Variants in COLQ observed in about 807,000 individuals in gnomAD.
COLQ encodes collagen like tail subunit of asymmetric acetylcholinesterase.
COLQ carries 48 observed loss-of-function variants against 69.0 expected under a neutral mutation model. The ratio of observed to expected loss-of-function variants is 0.70; its 90% confidence interval spans 0.55 to 0.88. The LOEUF (loss-of-function observed/expected upper bound fraction) is 0.88, where lower values mean the gene tolerates loss of function less well. Among genes scored for constraint, COLQ ranks in the 40% least tolerant of loss-of-function variants. COLQ has a pLI of 0.00. For synonymous variants in COLQ, 217 were observed against 211.2 expected (o/e 1.03, Z -0.24); for missense variants, 618 against 594.6 (o/e 1.04, Z -0.41).
At chr3:15,479,870 G>C (rs982019717) in intron 3 of COLQ, among the ~76,000 whole-genome samples, 4 of 152,172 alleles carry the variant, frequency 2.6e-5, no homozygotes, top group Non-Finnish European at 4.4e-5. Context: ...GTGGGTACTA[G>C]GTGCCAAATA....
At position 15,478,992 on chromosome 3, in the gene COLQ, GC is replaced by G. The variant is rs759874172; in HGVS notation, c.377del (p.Gly126AlafsTer38). Reference sequence around the variant, plus strand: ...CAGACCATACCTTCCTTCCTGGTCGGCCAAGCTCCCCCTATGGATGGAGAAG... The same window carrying G: ...CAGACCATACCTTCCTTCCTGGTCGGCAAGCTCCCCCTATGGATGGAGAAG... The part of the protein sequence containing the change: ...TGPKGEKGEL[G>X]RPGRKGRPGP... On this transcript the variant is annotated frameshift_variant, in exon 5 of 17. Transcript: ENST00000383788. LOFTEE classifies it high-confidence loss of function. 3.1e-6 allele frequency: 5 copies of G among 1,614,074 alleles called. No homozygotes were observed. Among genetic ancestry groups the G allele is most frequent in the Non-Finnish European group, 4.2e-6 (5 of 1,180,036 alleles).
chr3:15,488,897 T>C (rs2062619942), intron 2 of COLQ, among the ~76,000 whole-genome samples: 1 of 152,216 alleles, frequency 6.6e-6, no homozygotes. Context: ...AAGTGCCAGA[T>C]AGCTACATAT....
At chr3:15,488,997 T>C (rs966109183) in intron 2 of COLQ, among the ~76,000 whole-genome samples, 1 of 152,146 alleles carries the variant, frequency 6.6e-6, no homozygotes, top group Non-Finnish European at 1.5e-5. Flanking sequence ...CTGGCTGTTG[T>C]CTTCTAGGCC....
chr3:15,454,830 A>C (rs1163637411), intron 15 of COLQ, among the ~76,000 whole-genome samples: 2 of 151,108 alleles, frequency 1.3e-5, no homozygotes, highest in Non-Finnish European at 3.0e-5. Context: ...TAATTTTTTT[A>C]ATTTTTATTT....
chr3:15,466,232 A>T (rs2062197223), intron 12 of COLQ, 109 bp downstream of exon 12: 1 of 746,278 alleles, frequency 1.3e-6, no homozygotes, highest in African/African-American at 1.7e-5. Flanking sequence ...TGTCTCTGGT[A>T]GTTTCTAACT....
At chr3:15,469,826 C>T (rs1396624308) in intron 11 of COLQ, among the ~76,000 whole-genome samples, 2 of 152,154 alleles carry the variant, frequency 1.3e-5, no homozygotes, top group Non-Finnish European at 2.9e-5. Flanking sequence ...ATCACCGGCC[C>T]CACCCCCAGG....
chr3:15,461,843 G>A (rs1237118615), intron 12 of COLQ, among the ~76,000 whole-genome samples: 1 of 152,014 alleles, frequency 6.6e-6, no homozygotes, highest in African/African-American at 2.4e-5. Context: ...GGGAAACAGG[G>A]TGCAAAACCT....
chr3:15,473,255 C>A lies in COLQ; in HGVS notation c.636+745G>T, dbSNP rs2062320928. Among the ~76,000 whole-genome samples the A allele has an allele frequency of 6.6e-6, 1 of 152,056 alleles. No homozygotes were observed. Among genetic ancestry groups the A allele is most frequent in the South Asian group, 2.1e-4 (1 of 4,818 alleles). On this transcript the variant is annotated intron_variant, in intron 10 of 16. Transcript: ENST00000383788. This position sits in a 1 kb window ranked among gnomAD's most constrained non-coding sequence, Gnocchi z 4.0. ...GCAGCTTTGACTCCTGGGCTCAGGCCACCCTCCCGCCTCACCTTCCTAAGT... is the reference window on the plus strand; with the variant it reads ...GCAGCTTTGACTCCTGGGCTCAGGCAACCCTCCCGCCTCACCTTCCTAAGT...
chr3:15,452,516 C>T (rs2125079211), intron 16 of COLQ, among the ~76,000 whole-genome samples: 1 of 152,312 alleles, frequency 6.6e-6, no homozygotes. Context: ...CAGGCACAGT[C>T]ACAGGCGTCC....
At chr3:15,461,935 C>T (rs2062121851) in intron 12 of COLQ, among the ~76,000 whole-genome samples, 1 of 151,638 alleles carries the variant, frequency 6.6e-6, no homozygotes, top group Non-Finnish European at 1.5e-5. Flanking sequence ...GTGTCAGGAA[C>T]CAATTTGGGG....
In COLQ at chr3:15,451,587, C is replaced by CA; in HGVS notation, c.*56dup. 1 of 1,519,934 alleles carries CA rather than the reference C, an allele frequency of 6.6e-7. No individual in the cohort carries two copies. The allele number at this position is 1,519,934 out of a possible 1,614,324, so 94.2% of individuals were successfully genotyped here. On this transcript the variant is annotated 3_prime_UTR_variant, in exon 17 of 17. Coordinates refer to ENST00000383788, the MANE Select transcript of COLQ (RefSeq NM_005677.4). The stretch of plus-strand genomic sequence containing the variant: ...GGCCAGGACATGGCCAGTTTGATGA[C>CA]AGTGGAGAAGCTGCTGCCAGTTCTG...
chr3:15,487,326 T>C (rs1160307000), intron 3 of COLQ, among the ~76,000 whole-genome samples: 5 of 152,178 alleles, frequency 3.3e-5, no homozygotes, highest in Non-Finnish European at 2.9e-5. Context: ...GCCCTGTGGC[T>C]AAAGCAAGCT....
chr3:15,464,760 GCAGT>G lies in COLQ; in HGVS notation c.814+1577_814+1580del, dbSNP rs2062171471. On this transcript the variant is annotated intron_variant, in intron 12 of 16. Coordinates refer to ENST00000383788, the MANE Select transcript of COLQ (RefSeq NM_005677.4). ...TGTATAACTGAAGACAGAAAATGTT[GCAGT>G]CAACAAATGATCTTCTTGATACTGT... Among the ~76,000 whole-genome samples, 6 of 152,290 alleles carry G rather than the reference GCAGT, an allele frequency of 3.9e-5. No homozygotes were observed. The South Asian group carries it at 1.2e-3, about 32-fold the overall frequency.
chr3:15,463,073 C>T (rs917087773), intron 12 of COLQ, among the ~76,000 whole-genome samples: 18 of 152,040 alleles, frequency 1.2e-4, no homozygotes, highest in African/African-American at 3.9e-4. Flanking sequence ...TGCAATACAC[C>T]GAAGACAGAC....
intron 5 of COLQ, 78 bp downstream of exon 5, chr3:15,478,899 C>A: frequency 6.4e-7 from 1 of 1,556,868 alleles, no homozygotes; most frequent in Non-Finnish European, 8.9e-7. Context: ...CATTGCTGTT[C>A]CCCCCTCCCT....
At chr3:15,491,133 T>C (rs943334396) in intron 1 of COLQ, among the ~76,000 whole-genome samples, 10 of 152,180 alleles carry the variant, frequency 6.6e-5, no homozygotes, top group African/African-American at 2.4e-4. Context: ...TGAATGGTTA[T>C]AGTTTTATTT....
intron 5 of COLQ, among the ~76,000 whole-genome samples, chr3:15,478,104 C>T (rs113442323): frequency 1.2e-3 from 184 of 152,356 alleles, no homozygotes; most frequent in Non-Finnish European, 1.4e-3. Flanking sequence ...CTCCCACATC[C>T]ATGGCGACAT....
chr3:15,462,113 C>G (rs896024649), intron 12 of COLQ, among the ~76,000 whole-genome samples: 1 of 152,118 alleles, frequency 6.6e-6, no homozygotes, highest in Non-Finnish European at 1.5e-5. Flanking sequence ...ACTGTAACCT[C>G]CGCCTCCCGG....
chr3:15,518,041 G>A (rs1465419417), intron 1 of COLQ, among the ~76,000 whole-genome samples: 1 of 152,256 alleles, frequency 6.6e-6, no homozygotes, highest in South Asian at 2.1e-4. Context: ...CGCCTCCCAG[G>A]TTCAAGCAAT....
Sources: allele counts gnomAD v4.1 joint callset (sites outside exome capture counted in the v4.1 genomes callset), GRCh38; gene constraint gnomAD v4.1.1; non-coding constraint Gnocchi (gnomAD v3.1); transcripts MANE v1.5; gene names NCBI Gene and HGNC (gene_info 2026-07-23, HGNC 2026-07-21).